The following TRRAP variants were observed in gnomAD, a reference collection of about 807,000 sequenced individuals.
TRRAP encodes the protein transformation/transcription domain associated protein.
TRRAP carries 41 observed loss-of-function variants against 438.8 expected under a neutral mutation model. That is an observed-to-expected ratio of 0.09 (90% confidence interval 0.07 to 0.12). TRRAP has a LOEUF of 0.12. TRRAP is among the 10% of genes least tolerant of loss of function. The pLI is 1.00. For synonymous variants in TRRAP, 1,994 were observed against 1,962.9 expected (o/e 1.02, Z -0.42); for missense variants, 3,122 against 5,055.1 (o/e 0.62, Z 11.60).
At position 98,990,563 on chromosome 7, in the gene TRRAP, C is replaced by T; in HGVS notation, c.9700C>T (p.Leu3234=). The change falls in exon 64 of 73, where the codon CTG becomes TTG. Residue 3234 remains leucine, a synonymous_variant. Transcript: ENST00000456197. ...PIQWLAWIPQ[L]LTCLVGSEGK... ...CCAGTGGCTGGCCTGGATCCCACAG[C>T]TGCTCACCTGCCTGGTTGGCTCGGA... is the stretch of plus-strand genomic sequence containing the variant. 1 of 1,614,168 alleles carries T rather than the reference C, an allele frequency of 6.2e-7. No individual in the cohort carries two copies. The highest frequency in any genetic ancestry group is 8.5e-7 in the Non-Finnish European group (1 of 1,179,972).
intron 3 of TRRAP, among the ~76,000 whole-genome samples, chr7:98,887,214 G>A (rs141389459): frequency 6.6e-6 from 1 of 152,302 alleles, no homozygotes; most frequent in East Asian, 1.9e-4. Flanking sequence ...GTGAGTCACT[G>A]TGCCCAGCCC....
intron 69 of TRRAP, 31 bp from the exon 70 acceptor site, chr7:99,008,346 G>A: frequency 8.1e-6 from 13 of 1,607,658 alleles, no homozygotes; most frequent in Non-Finnish European, 1.0e-5. Context: ...GTCACCCTCA[G>A]CCTGCCCCGT....
chr7:99,002,296 T>C (rs914683098), intron 67 of TRRAP, among the ~76,000 whole-genome samples: 1 of 152,196 alleles, frequency 6.6e-6, no homozygotes, highest in African/African-American at 2.4e-5. Flanking sequence ...CGTGCACACA[T>C]AACTGGTGAA....
chr7:98,918,120 CA>C (rs113483218), intron 20 of TRRAP, among the ~76,000 whole-genome samples: 1,837 of 116,100 alleles, frequency 0.016, 21 homozygotes, highest in African/African-American at 0.04. Context: ...GACCCTGTCT[CA>C]AAAAAAAAAA....
chr7:98,994,464 G>A lies in TRRAP; in HGVS notation c.10048-123G>A. 7.2e-7 allele frequency: 1 copy of A among 1,384,728 alleles called. No homozygotes were observed. The highest frequency in any genetic ancestry group is 2.0e-5 in the Admixed American group (1 of 50,598). The allele number at this position is 1,384,728 out of a possible 1,614,324, so 85.8% of individuals were successfully genotyped here. A position where few individuals can be genotyped will look rare whatever the true frequency, so the allele number is the denominator to read the frequency against. Reference sequence around the variant, plus strand: ...CCGATTTCATGCCTGCTGTGTGTGGGTCCTGCCGGGGAGTGCAGAGATGAC... The same window carrying A: ...CCGATTTCATGCCTGCTGTGTGTGGATCCTGCCGGGGAGTGCAGAGATGAC... On this transcript the variant is annotated intron_variant, in intron 66 of 72. Coordinates refer to ENST00000456197, the MANE Select transcript of TRRAP (RefSeq NM_001375524.1). The surrounding 1 kb of genome is among the most constrained non-coding windows in gnomAD (Gnocchi z 4.8).
intron 27 of TRRAP, among the ~76,000 whole-genome samples, chr7:98,934,787 C>T (rs1790484563): frequency 6.6e-6 from 1 of 152,026 alleles, no homozygotes; most frequent in Non-Finnish European, 1.5e-5. Context: ...ACACGCATGC[C>T]CTTATATGTG....
In TRRAP at chr7:98,981,994, G is replaced by C. The variant is rs1309579102; in HGVS notation, c.8826+34G>C. 3.3e-6 allele frequency: 5 copies of C among 1,495,066 alleles called. No individual in the cohort carries two copies. In the African/African-American group the frequency reaches 5.7e-5, roughly 17 times the overall value. The allele number at this position is 1,495,066 out of a possible 1,614,324, so 92.6% of individuals were successfully genotyped here. ...GGTGCCCCCATGCGAGCACAGGCCT[G>C]TGGCCTGTCGCAGCCAAGCGCCGGT... On this transcript the variant is annotated intron_variant, in intron 59 of 72. Transcript: ENST00000456197.
rs371132709 is a variant in TRRAP, at chr7:98,917,664, C to T, written c.2607C>T (p.Arg869=). The change falls in exon 20 of 73, where the codon CGC becomes CGT. Residue 869 remains arginine (R), a synonymous_variant. Transcript: ENST00000456197. ...TCTACGACCACATCCAGCCGGTGCGCGCAGAGCTCATGCAGGTAGGATTTT... is the reference window on the plus strand; with the variant it reads ...TCTACGACCACATCCAGCCGGTGCGTGCAGAGCTCATGCAGGTAGGATTTT... ...DFLYDHIQPV[R]AELMQALWRT... is the part of the protein sequence containing the mutation. The T allele has an allele frequency of 8.1e-6, 13 of 1,613,906 alleles. No homozygotes were observed. Among genetic ancestry groups the T allele is most frequent in the Admixed American group, 1.7e-5 (1 of 59,982 alleles).
intron 18 of TRRAP, among the ~76,000 whole-genome samples, chr7:98,913,175 C>G (rs539424625): frequency 7.6e-4 from 115 of 152,294 alleles, no homozygotes; most frequent in African/African-American, 2.6e-3. Context: ...TTGCTACTTG[C>G]AGTCTTGGGG....
rs565046491 is a variant in TRRAP at position 98,928,824 on chromosome 7, A to G, written c.3176-1165A>G. On this transcript the variant is annotated intron_variant, in intron 23 of 72. Coordinates refer to ENST00000456197, the MANE Select transcript of TRRAP (RefSeq NM_001375524.1). Reference sequence around the variant, plus strand: ...AGTCTCACTTTGTTGCCCAGGCTGGAGTGCAGTGGCGTGGTCATGGCTCAC... The same window carrying G: ...AGTCTCACTTTGTTGCCCAGGCTGGGGTGCAGTGGCGTGGTCATGGCTCAC... Among the ~76,000 whole-genome samples the G allele has an allele frequency of 1.5e-3, 222 of 151,714 alleles. 1 individual carries two copies. Among genetic ancestry groups the G allele is most frequent in the African/African-American group, 5.1e-3 (212 of 41,290 alleles).
Position 98,937,662 on chromosome 7 carries a change from G to T in TRRAP, c.4246G>T (p.Ala1416Ser). The T allele has an allele frequency of 6.2e-7, 1 of 1,606,430 alleles. No individual in the cohort carries two copies. Among genetic ancestry groups the T allele is most frequent in the Non-Finnish European group, 8.5e-7 (1 of 1,177,526 alleles). Residue 1416 changes from alanine (A) to serine (S), a missense_variant, in exon 30 of 73, where the codon GCT (alanine) becomes TCT (serine). Transcript: ENST00000456197. ...EACMRKFLEG[A>S]TIEVDQIHTH... Reference sequence around the variant, plus strand: ...TCTTTTTTAATAGTTTTTAGAAGGTGCTACCATAGAAGTCGATCAAATCCA... The same window carrying T: ...TCTTTTTTAATAGTTTTTAGAAGGTTCTACCATAGAAGTCGATCAAATCCA...
In TRRAP at chr7:99,001,171, G is replaced by A. The variant is rs187059734; in HGVS notation, c.10310-3019G>A. Among the ~76,000 whole-genome samples, 287 of 152,334 alleles carry A rather than the reference G, an allele frequency of 1.9e-3. 1 individual carries two copies. Among genetic ancestry groups the A allele is most frequent in the Admixed American group, 0.012 (187 of 15,306 alleles). The stretch of plus-strand genomic sequence containing the variant: ...AGGTTGCATCCAGCTGAAGTGTGGC[G>A]TGTGCCCTGCAGTTGCTCCAGGCAG... On this transcript the variant is annotated intron_variant, in intron 67 of 72. Coordinates refer to ENST00000456197, the MANE Select transcript of TRRAP (RefSeq NM_001375524.1).
At chr7:98,985,787 A>G (rs1360214836) in intron 62 of TRRAP, among the ~76,000 whole-genome samples, 1 of 152,184 alleles carries the variant, frequency 6.6e-6, no homozygotes, top group Non-Finnish European at 1.5e-5. Flanking sequence ...CTTTTTGTGT[A>G]ATGTTTTAAA....
chr7:98,988,179 G>A (rs771429041), intron 62 of TRRAP, among the ~76,000 whole-genome samples: 1 of 152,156 alleles, frequency 6.6e-6, no homozygotes, highest in Non-Finnish European at 1.5e-5. Context: ...CATTGCTGGT[G>A]TAATAGTGAA....
At chr7:98,904,483 CAAA>C (rs59353514) in intron 12 of TRRAP, among the ~76,000 whole-genome samples, 10 of 45,578 alleles carry the variant, frequency 2.2e-4, no homozygotes, top group African/African-American at 4.9e-4. Flanking sequence ...GACTCTGTCT[CAAA>C]AAAAAAAAAA....
Position 98,948,406 on chromosome 7 carries a change from G to C in TRRAP, c.4668+66G>C. 19 of 1,611,172 alleles carry C rather than the reference G, an allele frequency of 1.2e-5. No homozygotes were observed. Among genetic ancestry groups the C allele is most frequent in the Non-Finnish European group, 1.5e-5 (18 of 1,178,328 alleles). ...TCCGGTGCTTATAGCGTCCTCACTT[G>C]ATCGTATTTTCAATGGACGGAACAG... is the stretch of plus-strand genomic sequence containing the variant. On this transcript the variant is annotated intron_variant, in intron 34 of 72. Transcript: ENST00000456197. This position sits in a 1 kb window ranked among gnomAD's most constrained non-coding sequence, Gnocchi z 4.9.
At chr7:98,979,163 G>T (rs1792798213) in intron 58 of TRRAP, among the ~76,000 whole-genome samples, 1 of 152,214 alleles carries the variant, frequency 6.6e-6, no homozygotes, top group Admixed American at 6.5e-5. Flanking sequence ...TTGACTTCTG[G>T]TTTGGGACCT....
intron 12 of TRRAP, among the ~76,000 whole-genome samples, chr7:98,904,745 A>G (rs1046920506): frequency 6.6e-6 from 1 of 152,196 alleles, no homozygotes; most frequent in Non-Finnish European, 1.5e-5. Context: ...ACAAGATATT[A>G]TAGGATGCTT....
In TRRAP at chr7:99,012,509, A is replaced by G; in HGVS notation, c.*154A>G. On this transcript the variant is annotated 3_prime_UTR_variant, in exon 73 of 73. Transcript: ENST00000456197. The surrounding 1 kb of genome is among the most constrained non-coding windows in gnomAD (Gnocchi z 5.9). ...TTTCCTGGTAGTTTGCGTGTAAGAA[A>G]GGGAGAATATAGTTTTAGAGGAAGC... 1 of 941,484 alleles carries G rather than the reference A, an allele frequency of 1.1e-6. No homozygotes were observed. Among genetic ancestry groups the G allele is most frequent in the South Asian group, 1.8e-5 (1 of 55,888 alleles). 58.3% of individuals were successfully genotyped at this position (941,484 alleles called of 1,614,324 possible). A position where few individuals can be genotyped will look rare whatever the true frequency, so the allele number is the denominator to read the frequency against.
Sources: allele counts gnomAD v4.1 joint callset (sites outside exome capture counted in the v4.1 genomes callset), GRCh38; gene constraint gnomAD v4.1.1; non-coding constraint Gnocchi (gnomAD v3.1); transcripts MANE v1.5; gene names NCBI Gene and HGNC (gene_info 2026-07-23, HGNC 2026-07-21).